The following WWP2 variants were observed in gnomAD, a reference collection of about 807,000 sequenced individuals.
The protein encoded by WWP2 is NEDD4-like E3 ubiquitin-protein ligase WWP2.
A neutral mutation model predicts 121.0 loss-of-function variants in WWP2; 57 were observed. That is an observed-to-expected ratio of 0.47 (90% CI 0.38 to 0.59). The LOEUF is 0.59. Ranked by LOEUF, WWP2 falls within the 20% of genes least tolerant of loss-of-function variation. The probability of loss-of-function intolerance (pLI) is 0.00; values close to 1 mark genes in which losing one functional copy is unlikely to be tolerated. For synonymous variants in WWP2, 449 were observed against 441.3 expected (o/e 1.02, Z -0.22); for missense variants, 962 against 1,158.9 (o/e 0.83, Z 2.47).
chr16:69,799,072 G>T lies in WWP2; in HGVS notation c.219-102G>T. ...ATATATGTGGGTGTCTGCCTGTTTT[G>T]GTTCCCCCTCCCCAAGATGTCAGCA... On this transcript the variant is annotated intron_variant, in intron 3 of 23. Coordinates refer to ENST00000359154, the MANE Select transcript of WWP2 (RefSeq NM_001270454.2). The surrounding 1 kb of genome is among the most constrained non-coding windows in gnomAD (Gnocchi z 4.5). 6.6e-7 allele frequency: 1 copy of T among 1,512,180 alleles called. No homozygotes were observed. The highest frequency in any genetic ancestry group is 8.9e-7 in the Non-Finnish European group (1 of 1,124,238). 93.7% of individuals were successfully genotyped at this position (1,512,180 alleles called of 1,614,324 possible). A position where few individuals can be genotyped will look rare whatever the true frequency, so the allele number is the denominator to read the frequency against.
In WWP2 at chr16:69,830,011, G is replaced by A. The variant is rs570736018; in HGVS notation, c.341-10115G>A. On this transcript the variant is annotated intron_variant, in intron 4 of 23. Transcript: ENST00000359154. ...ACTCTTTCACCTAAGCTGGAATGCA[G>A]TGGCGCGATGTTGGGTCATTGCAGC... Among the ~76,000 whole-genome samples the A allele has an allele frequency of 4.6e-5, 7 of 150,596 alleles. No homozygotes were observed. The South Asian group carries it at 1.5e-3, about 31-fold the overall frequency.
At chr16:69,900,868 G>T (rs908016983) in intron 8 of WWP2, among the ~76,000 whole-genome samples, 3 of 152,156 alleles carry the variant, frequency 2.0e-5, no homozygotes, top group Non-Finnish European at 4.4e-5. Context: ...AGATAAAAAA[G>T]ATAAGAAGAA....
chr16:69,808,204 G>A (rs2056319761), intron 4 of WWP2, among the ~76,000 whole-genome samples: 2 of 151,492 alleles, frequency 1.3e-5, no homozygotes, highest in African/African-American at 4.9e-5. Flanking sequence ...GTTTTCTTGT[G>A]CCTGGCTTTT....
rs146220926 is a variant in WWP2, at chr16:69,769,834, T to G, written c.-16+7443T>G. On this transcript the variant is annotated intron_variant, in intron 1 of 23. Transcript: ENST00000359154. ...AGTCTTCCTCCCATTTCCTGGCCTA[T>G]AACTCCTAAAATCATTGAAATCTCC... is the stretch of plus-strand genomic sequence containing the variant. Among the ~76,000 whole-genome samples the G allele has an allele frequency of 8.1e-4, 123 of 151,796 alleles. 1 individual carries two copies. The highest frequency in any genetic ancestry group is 2.8e-3 in the African/African-American group (114 of 41,416).
chr16:69,819,458 C>G (rs2056555072), intron 4 of WWP2, among the ~76,000 whole-genome samples: 1 of 152,246 alleles, frequency 6.6e-6, no homozygotes, highest in South Asian at 2.1e-4. Flanking sequence ...CCCGGTGCTG[C>G]TCTCCTGCCA....
intron 7 of WWP2, among the ~76,000 whole-genome samples, chr16:69,874,364 T>C (rs113523697): frequency 3.3e-5 from 5 of 152,286 alleles, no homozygotes; most frequent in African/African-American, 9.6e-5. Context: ...CTGTGAGAAT[T>C]CTGAGGACCA....
chr16:69,889,156 C>CA (rs778074314), intron 8 of WWP2, among the ~76,000 whole-genome samples: 1 of 152,022 alleles, frequency 6.6e-6, no homozygotes, highest in Non-Finnish European at 1.5e-5. Flanking sequence ...TACACACACA[C>CA]ACACACACAC....
chr16:69,785,600 C>T (rs1426480294), intron 1 of WWP2, among the ~76,000 whole-genome samples: 1 of 151,668 alleles, frequency 6.6e-6, no homozygotes, highest in Non-Finnish European at 1.5e-5. Flanking sequence ...ATGACAGGGA[C>T]ACCTCATGGC....
intron 17 of WWP2, among the ~76,000 whole-genome samples, chr16:69,934,590 G>A (rs2058767495): frequency 6.6e-6 from 1 of 152,054 alleles, no homozygotes. Flanking sequence ...CCTGCTGCCT[G>A]TCTCTGGGAG....
In WWP2 at chr16:69,925,366, T is replaced by G; in HGVS notation, c.1180-64T>G. ...ATTGGCATTTTTATTTTTTATTGAT[T>G]GATTGATTTTTTCACCAGTGGCTTT... On this transcript the variant is annotated intron_variant, in intron 10 of 23. Coordinates refer to ENST00000359154, the MANE Select transcript of WWP2 (RefSeq NM_001270454.2). This position sits in a 1 kb window ranked among gnomAD's most constrained non-coding sequence, Gnocchi z 4.0. 5 of 1,589,514 alleles carry G rather than the reference T, an allele frequency of 3.1e-6. No homozygotes were observed. Among genetic ancestry groups the G allele is most frequent in the Non-Finnish European group, 4.3e-6 (5 of 1,166,612 alleles).
At chr16:69,889,442 T>G (rs2057986305) in intron 8 of WWP2, among the ~76,000 whole-genome samples, 1 of 152,208 alleles carries the variant, frequency 6.6e-6, no homozygotes, top group Non-Finnish European at 1.5e-5. Context: ...AGCATGGACC[T>G]GTGAATCAGA....
intron 1 of WWP2, among the ~76,000 whole-genome samples, chr16:69,763,286 C>G (rs562637005): frequency 6.6e-6 from 1 of 152,174 alleles, no homozygotes; most frequent in Non-Finnish European, 1.5e-5. Context: ...TCTTGACGAA[C>G]TGTAACTAGG....
rs962227114 is a variant in WWP2 at position 69,935,690 on chromosome 16, A to G, written c.1843-163A>G. On this transcript the variant is annotated intron_variant, in intron 17 of 23. Coordinates refer to ENST00000359154, the MANE Select transcript of WWP2 (RefSeq NM_001270454.2). The surrounding 1 kb of genome is among the most constrained non-coding windows in gnomAD (Gnocchi z 5.2). ...ACAAGTCAGGATAAAGGCGTTGTTTACTCCTGAGGCCCTCCCGCTGCGTCC... is the reference window on the plus strand; with the variant it reads ...ACAAGTCAGGATAAAGGCGTTGTTTGCTCCTGAGGCCCTCCCGCTGCGTCC... 6.6e-6 allele frequency among the ~76,000 whole-genome samples: 1 copy of G among 151,932 alleles called. No individual in the cohort carries two copies. The highest frequency in any genetic ancestry group is 2.4e-5 in the African/African-American group (1 of 41,344).
intron 1 of WWP2, among the ~76,000 whole-genome samples, chr16:69,778,293 A>C (rs779401805): frequency 6.6e-6 from 1 of 150,478 alleles, no homozygotes. Context: ...TAGTTTCTTC[A>C]ATAATGAAAT....
intron 9 of WWP2, chr16:69,909,795 A>C (rs985436359): frequency 2.7e-6 from 2 of 732,756 alleles, no homozygotes; most frequent in African/African-American, 3.8e-5. Flanking sequence ...TTTCAAATAG[A>C]TATAGAGAGA....
intron 6 of WWP2, among the ~76,000 whole-genome samples, chr16:69,854,923 A>T (rs2057282809): frequency 6.6e-6 from 1 of 151,988 alleles, no homozygotes; most frequent in Non-Finnish European, 1.5e-5. Flanking sequence ...TGGTGCAATC[A>T]AGGCCCACTG....
At position 69,925,161 on chromosome 16, in the gene WWP2, G is replaced by A. The variant is rs1337786942; in HGVS notation, c.1180-269G>A. The A allele has an allele frequency of 3.1e-5, 38 of 1,241,464 alleles. No individual in the cohort carries two copies. The highest frequency in any genetic ancestry group is 1.6e-4 in the East Asian group (4 of 25,782). 76.9% of individuals were successfully genotyped at this position (1,241,464 alleles called of 1,614,324 possible). A position where few individuals can be genotyped will look rare whatever the true frequency, so the allele number is the denominator to read the frequency against. ...GCCACCCTGGCACACCTTCACCCGC[G>A]TACCGCCTCCTCCCCGTCGCTCTGC... On this transcript the variant is annotated intron_variant, in intron 10 of 23. Transcript: ENST00000359154. This position sits in a 1 kb window ranked among gnomAD's most constrained non-coding sequence, Gnocchi z 4.0.
intron 9 of WWP2, chr16:69,909,070 G>C (rs952339133): frequency 5.3e-6 from 7 of 1,330,536 alleles, no homozygotes; most frequent in Non-Finnish European, 6.7e-6. Flanking sequence ...AGGCGCATGG[G>C]AGGCCAAGAT....
At position 69,935,164 on chromosome 16, in the gene WWP2, C is replaced by G. The variant is rs989641263; in HGVS notation, c.1843-689C>G. Among the ~76,000 whole-genome samples, 3 of 152,194 alleles carry G rather than the reference C, an allele frequency of 2.0e-5. No individual in the cohort carries two copies. Among genetic ancestry groups the G allele is most frequent in the African/African-American group, 7.2e-5 (3 of 41,446 alleles). ...ATGCATAGCTGGAGATGTTTCAATT[C>G]TCCTTTCCTTCGCTTCTTCCCCTGC... is the stretch of plus-strand genomic sequence containing the variant. On this transcript the variant is annotated intron_variant, in intron 17 of 23. Coordinates refer to ENST00000359154, the MANE Select transcript of WWP2 (RefSeq NM_001270454.2). This position sits in a 1 kb window ranked among gnomAD's most constrained non-coding sequence, Gnocchi z 5.2.
Sources: allele counts gnomAD v4.1 joint callset (sites outside exome capture counted in the v4.1 genomes callset), GRCh38; gene constraint gnomAD v4.1.1; non-coding constraint Gnocchi (gnomAD v3.1); transcripts MANE v1.5; gene names NCBI Gene and HGNC (gene_info 2026-07-23, HGNC 2026-07-21).